PUS7: variants seen among roughly 807,000 people sequenced by gnomAD.
The protein encoded by PUS7 is pseudouridylate synthase 7 homolog.
In PUS7, 48 loss-of-function variants were observed where a neutral mutation model predicts 79.8. That is an observed-to-expected ratio of 0.60 (90% CI 0.48 to 0.76). The LOEUF (loss-of-function observed/expected upper bound fraction) is 0.76, where lower values mean the gene tolerates loss of function less well. Among genes scored for constraint, PUS7 ranks in the 30% least tolerant of loss-of-function variants. The pLI is 0.00. For synonymous variants in PUS7, 286 were observed against 272.2 expected (o/e 1.05, Z -0.50); for missense variants, 729 against 797.6 (o/e 0.91, Z 1.04).
intron 1 of PUS7, among the ~76,000 whole-genome samples, chr7:105,508,874 A>T (rs1825585981): frequency 1.7e-4 from 3 of 18,158 alleles, no homozygotes; most frequent in Non-Finnish European, 6.1e-4. Context: ...ATTGTCTTAA[A>T]AAAAAAAAAA....
At chr7:105,507,597 A>G (rs893762010) in intron 2 of PUS7, among the ~76,000 whole-genome samples, 1 of 152,088 alleles carries the variant, frequency 6.6e-6, no homozygotes, top group Non-Finnish European at 1.5e-5. Flanking sequence ...GCTGGAATGC[A>G]GTGGTGCAAT....
At chr7:105,501,354 G>C (rs992982124) in intron 5 of PUS7, among the ~76,000 whole-genome samples, 2 of 151,714 alleles carry the variant, frequency 1.3e-5, no homozygotes, top group African/African-American at 4.8e-5. Context: ...ACTTTTTCTT[G>C]TTGTAATTTT....
At chr7:105,502,976 A>G (rs891313483) in intron 4 of PUS7, among the ~76,000 whole-genome samples, 4 of 152,224 alleles carry the variant, frequency 2.6e-5, no homozygotes, top group South Asian at 2.1e-4. Flanking sequence ...CTGAGATTAC[A>G]GGCGTGAGCC....
rs200245743 is a variant in PUS7 at position 105,510,985 on chromosome 7, T to C, written c.-32-2441A>G. ...AGGCATGGTTAACAAGAAAGCCACC[T>C]ATATAAGCATCTACAGCAAAATAAT... is the stretch of plus-strand genomic sequence containing the variant. On this transcript the variant is annotated intron_variant, in intron 1 of 15. Transcript: ENST00000469408. Among the ~76,000 whole-genome samples, 7 of 152,214 alleles carry C rather than the reference T, an allele frequency of 4.6e-5. No homozygotes were observed. The East Asian group carries it at 1.3e-3, about 29-fold the overall frequency.
chr7:105,513,837 CAAAAA>C (rs563422686), intron 1 of PUS7, among the ~76,000 whole-genome samples: 1 of 83,580 alleles, frequency 1.2e-5, no homozygotes, highest in Admixed American at 1.4e-4. Context: ...GACTCCGTCT[CAAAAA>C]AAAAAAAAAA....
intron 5 of PUS7, among the ~76,000 whole-genome samples, chr7:105,501,979 T>A (rs1377000361): frequency 4.8e-5 from 7 of 146,118 alleles, no homozygotes; most frequent in African/African-American, 1.5e-4. Context: ...AATATATATA[T>A]ATATATATAT....
At chr7:105,517,238 C>T (rs552536327) in intron 1 of PUS7, among the ~76,000 whole-genome samples, 11 of 151,188 alleles carry the variant, frequency 7.3e-5, no homozygotes, top group Admixed American at 2.7e-4. Flanking sequence ...CTCACTGCAA[C>T]CTCCACCTCC....
chr7:105,504,441 G>T (rs2133234042), intron 4 of PUS7, among the ~76,000 whole-genome samples: 1 of 152,256 alleles, frequency 6.6e-6, no homozygotes, highest in Non-Finnish European at 1.5e-5. Flanking sequence ...ACAGGTAAAT[G>T]ACTTCTTCAT....
intron 7 of PUS7, among the ~76,000 whole-genome samples, chr7:105,484,381 T>TAA (rs1159411452): frequency 6.6e-6 from 1 of 151,882 alleles, no homozygotes; most frequent in Admixed American, 6.6e-5. Flanking sequence ...TTAGGAGGCC[T>TAA]AGATGGGCAG....
intron 10 of PUS7, among the ~76,000 whole-genome samples, chr7:105,471,132 C>T (rs1204027813): frequency 6.6e-6 from 1 of 152,202 alleles, no homozygotes; most frequent in Admixed American, 6.5e-5. Flanking sequence ...CTAGTACTTT[C>T]TTCCTTCTCT....
chr7:105,492,921 G>C (rs556900606), intron 6 of PUS7, among the ~76,000 whole-genome samples: 1 of 152,290 alleles, frequency 6.6e-6, no homozygotes, highest in Non-Finnish European at 1.5e-5. Context: ...AGGATTACAG[G>C]GGTGAGCCAC....
intron 11 of PUS7, 33 bp downstream of exon 11, chr7:105,470,655 G>A (rs1411286024): frequency 1.3e-6 from 2 of 1,527,594 alleles, no homozygotes; most frequent in Non-Finnish European, 8.8e-7. Context: ...AAAACGCCTT[G>A]AGCCATTGCC....
intron 1 of PUS7, among the ~76,000 whole-genome samples, chr7:105,515,627 T>G (rs1384124654): frequency 6.6e-6 from 1 of 152,050 alleles, no homozygotes; most frequent in African/African-American, 2.4e-5. Flanking sequence ...GGCCCTATCA[T>G]AGACAAATTA....
intron 7 of PUS7, among the ~76,000 whole-genome samples, chr7:105,489,844 C>A (rs1386409547): frequency 1.3e-5 from 2 of 152,022 alleles, no homozygotes; most frequent in Non-Finnish European, 2.9e-5. Context: ...ATGGGCTGGG[C>A]GTGGTGGCTG....
intron 4 of PUS7, among the ~76,000 whole-genome samples, 181 bp downstream of exon 4, chr7:105,505,774 T>C (rs907893991): frequency 1.2e-4 from 18 of 152,188 alleles, no homozygotes; most frequent in African/African-American, 3.9e-4. Context: ...GGCTATAGTT[T>C]ATCTGGGATA....
chr7:105,516,354 A>G lies in PUS7; in HGVS notation c.-33+5698T>C, dbSNP rs570830884. The stretch of plus-strand genomic sequence containing the variant: ...AAAAGCGGAGAGCATATTTACTAGA[A>G]GAACTGTTCAGAGCTCTGGACTAGG... On this transcript the variant is annotated intron_variant, in intron 1 of 15. Transcript: ENST00000469408. Among the ~76,000 whole-genome samples the G allele has an allele frequency of 2.0e-5, 3 of 152,356 alleles. No individual in the cohort carries two copies. In the South Asian group the frequency reaches 6.2e-4, roughly 32 times the overall value.
At chr7:105,521,945 C>T (rs1244747198) in intron 1 of PUS7, 107 bp downstream of exon 1, 1 of 152,504 alleles carries the variant, frequency 6.6e-6, no homozygotes. Flanking sequence ...CCTTCCCAGT[C>T]CGCCTTCCCA....
intron 6 of PUS7, among the ~76,000 whole-genome samples, chr7:105,494,402 ATTTT>A (rs756519297): frequency 3.4e-5 from 3 of 87,812 alleles, no homozygotes; most frequent in Non-Finnish European, 4.4e-5. Context: ...ATGATCAGTG[ATTTT>A]TTTTTTTTTT....
At chr7:105,480,004 A>G (rs1397978620) in intron 9 of PUS7, among the ~76,000 whole-genome samples, 1 of 152,038 alleles carries the variant, frequency 6.6e-6, no homozygotes, top group African/African-American at 2.4e-5. Flanking sequence ...TCAAAAAATA[A>G]AAATAAAAAA....
Sources: gnomAD v4.1 joint callset for allele counts (sites outside exome capture counted in the v4.1 genomes callset) on GRCh38, gnomAD v4.1.1 for gene constraint, MANE v1.5 for transcripts, NCBI Gene and HGNC (gene_info 2026-07-23, HGNC 2026-07-21) for gene names.